The following PLEKHA1 variants were observed in gnomAD, a reference collection of about 807,000 sequenced individuals.
PLEKHA1 encodes the protein pleckstrin homology domain containing A1.
Under a neutral mutation model 52.0 loss-of-function variants are expected in PLEKHA1, and 34 were observed. That is an observed-to-expected ratio of 0.65 (90% confidence interval 0.50 to 0.87). The LOEUF is 0.87. Among genes scored for constraint, PLEKHA1 ranks in the 40% least tolerant of loss-of-function variants. PLEKHA1 has a pLI of 0.00. For missense variants in PLEKHA1, 497 were observed against 504.2 expected (o/e 0.99, Z 0.14); for synonymous variants, 163 against 170.7 (o/e 0.95, Z 0.35).
intron 1 of PLEKHA1, among the ~76,000 whole-genome samples, chr10:122,381,104 T>C (rs2096608459): frequency 6.6e-6 from 1 of 152,152 alleles, no homozygotes; most frequent in Non-Finnish European, 1.5e-5. Context: ...GTTTATTGAG[T>C]GAACACTTGA....
At chr10:122,400,495 A>T (rs536265723) in intron 4 of PLEKHA1, 107 bp downstream of exon 4, 6 of 1,017,594 alleles carry the variant, frequency 5.9e-6, no homozygotes, top group Middle Eastern at 2.6e-4. Flanking sequence ...TTAATGAATT[A>T]TTCTAAAGTG....
chr10:122,378,766 AAAAC>A (rs2096573683), intron 1 of PLEKHA1, among the ~76,000 whole-genome samples: 1 of 151,944 alleles, frequency 6.6e-6, no homozygotes, highest in Non-Finnish European at 1.5e-5. Context: ...CAGAAAAACA[AAAAC>A]AAAAAATTGC....
At chr10:122,428,714 C>G (rs903233681) in intron 11 of PLEKHA1, among the ~76,000 whole-genome samples, 1 of 152,070 alleles carries the variant, frequency 6.6e-6, no homozygotes, top group Non-Finnish European at 1.5e-5. Context: ...ATTGGATAAA[C>G]TGTACATTAC....
At chr10:122,390,363 A>G (rs1442124227) in intron 1 of PLEKHA1, among the ~76,000 whole-genome samples, 1 of 152,222 alleles carries the variant, frequency 6.6e-6, no homozygotes, top group African/African-American at 2.4e-5. Context: ...AATTTCCTTC[A>G]GGAACTTTAC....
intron 3 of PLEKHA1, among the ~76,000 whole-genome samples, chr10:122,398,521 T>TA (rs1342344772): frequency 6.6e-6 from 1 of 151,956 alleles, no homozygotes; most frequent in Non-Finnish European, 1.5e-5. Context: ...GTTTGTCAGG[T>TA]ACATTTTTTT....
intron 8 of PLEKHA1, chr10:122,423,630 G>A (rs1312951393): frequency 6.6e-6 from 1 of 152,340 alleles, no homozygotes; most frequent in Non-Finnish European, 1.5e-5. Flanking sequence ...GTAACCTTGG[G>A]TGAGATACTT....
chr10:122,418,029 AT>A, intron 8 of PLEKHA1, 61 bp downstream of exon 8: 1 of 1,297,226 alleles, frequency 7.7e-7, no homozygotes, highest in Non-Finnish European at 1.1e-6. Flanking sequence ...CAATGTAGTG[AT>A]TATATATAAT....
intron 5 of PLEKHA1, among the ~76,000 whole-genome samples, chr10:122,410,900 C>G (rs1487229140): frequency 6.6e-6 from 1 of 152,134 alleles, no homozygotes; most frequent in Admixed American, 6.5e-5. Flanking sequence ...ATTGTTTTCT[C>G]TCTGGTTTCA....
At chr10:122,414,239 G>A (rs1450690511) in intron 6 of PLEKHA1, among the ~76,000 whole-genome samples, 6 of 152,002 alleles carry the variant, frequency 3.9e-5, no homozygotes, top group Non-Finnish European at 8.8e-5. Flanking sequence ...TCCTGTAGTT[G>A]TGTTAAGACA....
intron 11 of PLEKHA1, chr10:122,428,442 T>C: frequency 7.1e-7 from 1 of 1,417,482 alleles, no homozygotes; most frequent in Non-Finnish European, 9.3e-7. Context: ...CAAACTGCCT[T>C]TTGCAGTTAT....
At chr10:122,386,643 T>C (rs2096703759) in intron 1 of PLEKHA1, 1 of 152,192 alleles carries the variant, frequency 6.6e-6, no homozygotes, top group African/African-American at 2.4e-5. Context: ...TTTGAGTTAG[T>C]TTTTTTCCTC....
intron 1 of PLEKHA1, among the ~76,000 whole-genome samples, chr10:122,385,576 A>T (rs1234503725): frequency 1.3e-5 from 2 of 152,296 alleles, no homozygotes; most frequent in African/African-American, 4.8e-5. Flanking sequence ...TTGGCCTCCC[A>T]AAGTGTTGGG....
rs2097408627 is a variant in PLEKHA1 at position 122,430,684 on chromosome 10, T to A, written c.*746T>A. 6.6e-6 allele frequency: 1 copy of A among 152,238 alleles called. No individual in the cohort carries two copies. The highest frequency in any genetic ancestry group is 2.1e-4 in the South Asian group (1 of 4,832). The allele number at this position is 152,238 out of a possible 1,614,324, so 9.4% of individuals were successfully genotyped here. On this transcript the variant is annotated 3_prime_UTR_variant, in exon 12 of 12. Transcript: ENST00000368990. ...GGTAGGAAATTTTTGGGAGATCTGA[T>A]TTTCTTATCCAAGTTTTGTAAATAG... is the stretch of plus-strand genomic sequence containing the variant.
intron 5 of PLEKHA1, among the ~76,000 whole-genome samples, chr10:122,409,456 A>G (rs2097074363): frequency 1.3e-5 from 2 of 152,226 alleles, no homozygotes; most frequent in Admixed American, 6.5e-5. Context: ...GTGGAAATAT[A>G]GTGGAAACAA....
intron 1 of PLEKHA1, among the ~76,000 whole-genome samples, chr10:122,383,762 C>T (rs983757627): frequency 2.0e-5 from 3 of 151,956 alleles, no homozygotes; most frequent in Non-Finnish European, 4.4e-5. Flanking sequence ...TTCAAATTTC[C>T]GATTTTAAGT....
chr10:122,429,494 TTGTGTGTGTGTGTGTGTGTGTG>T (rs35620141), intron 11 of PLEKHA1, 108 bp from the exon 12 acceptor site: 17 of 655,842 alleles, frequency 2.6e-5, no homozygotes, highest in South Asian at 1.8e-4. Context: ...GCTGCTGCCT[TTGTGTGTGTGTGTGTGTGTGTG>T]TGTGTGTGTG....
At chr10:122,435,848 G>A (rs1363489282), downstream of PLEKHA1, 1 of 151,022 alleles carries the variant, frequency 6.6e-6, no homozygotes, top group African/African-American at 2.4e-5. Context: ...GAGCTTAGGG[G>A]TTTGAGATCA....
At chr10:122,436,447 G>T (rs1384510572), downstream of PLEKHA1, 1 of 152,176 alleles carries the variant, frequency 6.6e-6, no homozygotes, top group Non-Finnish European at 1.5e-5. Flanking sequence ...GCTTTAAGAT[G>T]CTGGATTCTT....
chr10:122,402,346 T>C (rs1054250334), intron 4 of PLEKHA1, among the ~76,000 whole-genome samples: 23 of 152,224 alleles, frequency 1.5e-4, no homozygotes, highest in African/African-American at 4.6e-4. Flanking sequence ...AGAGAAGCAC[T>C]GACTTCTAAA....
Sources: allele counts gnomAD v4.1 joint callset (sites outside exome capture counted in the v4.1 genomes callset), GRCh38; gene constraint gnomAD v4.1.1; transcripts MANE v1.5; gene names NCBI Gene and HGNC (gene_info 2026-07-23, HGNC 2026-07-21).